Variants in TEX2 observed in about 807,000 individuals in gnomAD.
TEX2 encodes testis-expressed protein 2.
TEX2 carries 53 observed loss-of-function variants against 106.9 expected under a neutral mutation model. The ratio of observed to expected loss-of-function variants is 0.50; its 90% CI spans 0.40 to 0.62. TEX2 has a LOEUF of 0.62. TEX2 is among the 20% of genes least tolerant of loss of function. The probability of loss-of-function intolerance (pLI) is 0.00; values close to 1 mark genes in which losing one functional copy is unlikely to be tolerated. For synonymous variants in TEX2, 523 were observed against 534.8 expected (o/e 0.98, Z 0.30); for missense variants, 1,207 against 1,379.0 (o/e 0.88, Z 1.98).
intron 1 of TEX2, among the ~76,000 whole-genome samples, chr17:64,224,622 C>T (rs2033453911): frequency 1.3e-5 from 2 of 152,148 alleles, no homozygotes; most frequent in African/African-American, 2.4e-5. Context: ...CCCTACTCAC[C>T]ATCTCTTCCG....
At chr17:64,194,554 TTTTG>T (rs1378623917) in intron 3 of TEX2, among the ~76,000 whole-genome samples, 1 of 152,186 alleles carries the variant, frequency 6.6e-6, no homozygotes, top group East Asian at 1.9e-4. Flanking sequence ...CCACACAGCT[TTTTG>T]TTTGACTGAA....
At chr17:64,149,933 A>AG (rs2030264064) in intron 11 of TEX2, 3 of 151,690 alleles carry the variant, frequency 2.0e-5, no homozygotes, top group Non-Finnish European at 4.4e-5. Flanking sequence ...AAAAAAAAAA[A>AG]AAAAGAAAGA....
intron 1 of TEX2, among the ~76,000 whole-genome samples, chr17:64,216,951 G>C (rs1475581624): frequency 1.3e-5 from 2 of 152,176 alleles, no homozygotes; most frequent in African/African-American, 4.8e-5. Flanking sequence ...AGTGGCCTCA[G>C]AGGTTCACAG....
At position 64,193,651 on chromosome 17, in the gene TEX2, C is replaced by T. The variant is rs780768363; in HGVS notation, c.2084G>A (p.Arg695Gln). 5 of 1,561,166 alleles carry T rather than the reference C, an allele frequency of 3.2e-6. No homozygotes were observed. The highest frequency in any genetic ancestry group is 2.3e-5 in the East Asian group (1 of 43,904). Residue 695 changes from arginine to glutamine, a missense_variant, in exon 4 of 12, where the codon CGA (arginine) becomes CAA (glutamine). By Grantham distance (43) the Arg-to-Gln change is conservative. This residue lies in a region of TEX2 where 1,067 missense variants were observed against 1,193.6 expected (regional missense o/e 0.89). Transcript: ENST00000584379. The stretch of plus-strand genomic sequence containing the variant: ...TCTCCTAAACCATTCCTCTTTTTCT[C>T]GGCCAGTTCTCCCAAAGAGATAGAG... ...QILYLFGRTGREKEEWFRRFI... is the reference protein window; with the variant it reads ...QILYLFGRTGQEKEEWFRRFI...
Position 64,173,157 on chromosome 17 carries a change from G to A in TEX2, c.2572-1958C>T, listed in dbSNP as rs193245155. 3.5e-3 allele frequency among the ~76,000 whole-genome samples: 532 copies of A among 152,164 alleles called. 3 individuals are homozygous for A. The highest frequency in any genetic ancestry group is 0.012 in the African/African-American group (500 of 41,510). ...TTCCCACTGCACTGGAGTCTGTACT[G>A]AATTTCTACCAGTATCAAACTGCTT... On this transcript the variant is annotated intron_variant, in intron 6 of 11. Coordinates refer to ENST00000584379, the MANE Select transcript of TEX2 (RefSeq NM_001288732.2).
chr17:64,246,307 A>T (rs1555636274), intron 1 of TEX2, among the ~76,000 whole-genome samples: 1 of 152,154 alleles, frequency 6.6e-6, no homozygotes, highest in Admixed American at 6.5e-5. Context: ...GTGCAGTGGC[A>T]TGATCTCAGC....
Position 64,188,290 on chromosome 17 carries a change from C to A in TEX2, c.2302G>T (p.Val768Leu). 16 of 1,614,120 alleles carry A rather than the reference C, an allele frequency of 9.9e-6. No individual in the cohort carries two copies. The highest frequency in any genetic ancestry group is 1.4e-5 in the Non-Finnish European group (16 of 1,180,036). Reference sequence around the variant, plus strand: ...TAGTCGAGAAGCATCTTCTGCCGCACGCTGCCTGCCAGCTCCTTCTGCTTT... The same window carrying A: ...TAGTCGAGAAGCATCTTCTGCCGCAAGCTGCCTGCCAGCTCCTTCTGCTTT... ...QPKQKELAGS[V>L]RQKMLLDYSV... Residue 768 changes from valine (V) to leucine (L), a missense_variant, in exon 5 of 12, where the codon GTG becomes TTG. This residue lies in a region of TEX2 where 1,067 missense variants were observed against 1,193.6 expected (regional missense o/e 0.89). Coordinates refer to ENST00000584379, the MANE Select transcript of TEX2 (RefSeq NM_001288732.2).
chr17:64,262,470 A>G (rs964256999), intron 1 of TEX2, among the ~76,000 whole-genome samples: 8 of 152,218 alleles, frequency 5.3e-5, no homozygotes, highest in African/African-American at 1.9e-4. Context: ...CGTGTGGTGC[A>G]ATGTGGCCAG....
At chr17:64,259,907 C>T (rs1867623) in intron 1 of TEX2, among the ~76,000 whole-genome samples, 11,327 of 152,230 alleles carry the variant, frequency 0.074, 522 homozygotes, top group Non-Finnish European at 0.11. Context: ...TTACAAGATG[C>T]TTTTTTTCCC....
At chr17:64,243,935 A>G (rs1477541698) in intron 1 of TEX2, among the ~76,000 whole-genome samples, 1 of 151,658 alleles carries the variant, frequency 6.6e-6, no homozygotes, top group Non-Finnish European at 1.5e-5. Context: ...CAGCCTCCCA[A>G]GTAGCTGGGA....
chr17:64,151,089 C>T (rs2030330294), intron 10 of TEX2, 128 bp from the exon 11 acceptor site: 1 of 1,119,778 alleles, frequency 8.9e-7, no homozygotes, highest in Non-Finnish European at 1.3e-6. Context: ...TCTGAAAATG[C>T]CCTCTAAAAA....
intron 5 of TEX2, among the ~76,000 whole-genome samples, chr17:64,186,889 G>T (rs1050747842): frequency 6.6e-6 from 1 of 152,220 alleles, no homozygotes; most frequent in African/African-American, 2.4e-5. Context: ...GGCAGAGACT[G>T]TGACTCTGAA....
At chr17:64,262,803 G>A (rs1555638771) in intron 1 of TEX2, among the ~76,000 whole-genome samples, 1 of 152,238 alleles carries the variant, frequency 6.6e-6, no homozygotes, top group African/African-American at 2.4e-5. Context: ...GGGGGCGGCA[G>A]GAACCCGGGG....
chr17:64,192,322 C>A (rs2032329331), intron 4 of TEX2, among the ~76,000 whole-genome samples: 1 of 152,336 alleles, frequency 6.6e-6, no homozygotes. Flanking sequence ...CTCCTAATCC[C>A]ATATGACTGG....
At chr17:64,161,185 T>C (rs763465857) in intron 7 of TEX2, among the ~76,000 whole-genome samples, 4 of 152,108 alleles carry the variant, frequency 2.6e-5, no homozygotes, top group South Asian at 2.1e-4. Flanking sequence ...GGGAATTCAG[T>C]GCACAAGTCA....
At chr17:64,211,512 A>G (rs1179357434) in intron 2 of TEX2, among the ~76,000 whole-genome samples, 1 of 152,234 alleles carries the variant, frequency 6.6e-6, no homozygotes, top group East Asian at 1.9e-4. Flanking sequence ...AAAAAAAATA[A>G]TAACAATCCA....
chr17:64,193,565 T>G lies in TEX2; in HGVS notation c.2170A>C (p.Lys724Gln). 7.1e-7 allele frequency: 1 copy of G among 1,416,506 alleles called. No individual in the cohort carries two copies. The highest frequency in any genetic ancestry group is 9.3e-7 in the Non-Finnish European group (1 of 1,076,206). 87.7% of individuals were successfully genotyped at this position (1,416,506 alleles called of 1,614,324 possible). A position where few individuals can be genotyped will look rare whatever the true frequency, so the allele number is the denominator to read the frequency against. Residue 724 changes from lysine to glutamine, a missense_variant, in exon 4 of 12, where the codon AAA becomes CAA. Transcript: ENST00000584379. ...TTAGCACAAACATCATTACCTGGTT[T>G]ACCTCCAGAGACACCCGATGACTTC... ...IKKSSGVSGG[K>Q]PGLLPAHSRH...
chr17:64,209,773 C>T (rs1555631241), intron 2 of TEX2, among the ~76,000 whole-genome samples: 4 of 152,270 alleles, frequency 2.6e-5, no homozygotes. Context: ...AGGGTTGTGA[C>T]GAGGATTGAA....
intron 4 of TEX2, among the ~76,000 whole-genome samples, chr17:64,189,878 G>C (rs2143872668): frequency 6.6e-6 from 1 of 152,054 alleles, no homozygotes; most frequent in South Asian, 2.1e-4. Flanking sequence ...AGCTACTGGG[G>C]GAGGCTGAAG....
Sources: allele counts gnomAD v4.1 joint callset (sites outside exome capture counted in the v4.1 genomes callset), GRCh38; gene constraint gnomAD v4.1.1; regional missense constraint gnomAD v4.1.1; transcripts MANE v1.5; gene names NCBI Gene and HGNC (gene_info 2026-07-23, HGNC 2026-07-21).